The following PTPRD variants were observed in gnomAD, a reference collection of about 807,000 sequenced individuals.
PTPRD encodes receptor-type tyrosine-protein phosphatase delta.
In PTPRD, 34 loss-of-function variants were observed where a neutral mutation model predicts 214.5. The ratio of observed to expected loss-of-function variants is 0.16; its 90% CI spans 0.12 to 0.21. The LOEUF (loss-of-function observed/expected upper bound fraction) is 0.21. Among genes scored for constraint, PTPRD ranks in the 10% least tolerant of loss-of-function variants. The pLI, the probability that PTPRD is intolerant of heterozygous loss-of-function variation, is 1.00. For missense variants in PTPRD, 2,545 were observed against 2,398.7 expected (o/e 1.06, Z -1.27); for synonymous variants, 1,128 against 845.7 (o/e 1.33, Z -5.79).
intron 7 of PTPRD, among the ~76,000 whole-genome samples, chr9:9,696,556 T>A (rs1164864143): frequency 2.6e-5 from 4 of 152,288 alleles, no homozygotes; most frequent in African/African-American, 9.6e-5. Context: ...TTATGTAGTG[T>A]CCTCCTTTGC....
chr9:8,765,161 T>C (rs1169949043), intron 11 of PTPRD, among the ~76,000 whole-genome samples: 2 of 152,138 alleles, frequency 1.3e-5, no homozygotes, highest in Non-Finnish European at 2.9e-5. Flanking sequence ...TAAACATATG[T>C]GTAGTAGTTT....
At chr9:10,122,852 G>A (rs2098787336) in intron 3 of PTPRD, among the ~76,000 whole-genome samples, 2 of 152,198 alleles carry the variant, frequency 1.3e-5, no homozygotes, top group East Asian at 1.9e-4. Flanking sequence ...TGATTATACA[G>A]CAGTTGTAAA....
At chr9:8,384,587 G>C (rs1328243522) in intron 37 of PTPRD, among the ~76,000 whole-genome samples, 1 of 152,150 alleles carries the variant, frequency 6.6e-6, no homozygotes. Context: ...GAGTACAATG[G>C]TGCAATCTTG....
intron 3 of PTPRD, among the ~76,000 whole-genome samples, chr9:10,169,247 G>T (rs902224480): frequency 2.6e-4 from 39 of 152,116 alleles, no homozygotes; most frequent in African/African-American, 9.4e-4. Flanking sequence ...GGCCGAGGCA[G>T]GCGGATCACG....
intron 3 of PTPRD, among the ~76,000 whole-genome samples, chr9:10,248,861 C>T (rs1331539514): frequency 7.7e-6 from 1 of 130,060 alleles, no homozygotes; most frequent in Non-Finnish European, 1.7e-5. Flanking sequence ...TTCTTATGCA[C>T]AGAGGTGATA....
intron 6 of PTPRD, among the ~76,000 whole-genome samples, chr9:9,735,951 C>T (rs138465933): frequency 8.4e-4 from 128 of 152,208 alleles, no homozygotes; most frequent in Middle Eastern, 3.4e-3. Context: ...GTAATTATTA[C>T]ACAGATAAAC....
intron 9 of PTPRD, among the ~76,000 whole-genome samples, chr9:9,392,007 A>G (rs976871739): frequency 6.6e-6 from 1 of 152,136 alleles, no homozygotes; most frequent in African/African-American, 2.4e-5. Context: ...ACTACTCTTA[A>G]GCAACAGAGA....
At chr9:9,214,299 C>A (rs992402411) in intron 9 of PTPRD, among the ~76,000 whole-genome samples, 1 of 152,202 alleles carries the variant, frequency 6.6e-6, no homozygotes, top group African/African-American at 2.4e-5. Flanking sequence ...TGAAAAAGAG[C>A]TGAACACTTG....
intron 3 of PTPRD, among the ~76,000 whole-genome samples, chr9:10,292,813 A>T (rs899460348): frequency 3.3e-5 from 5 of 151,886 alleles, no homozygotes; most frequent in Non-Finnish European, 7.4e-5. Context: ...AACACATAAA[A>T]TACAGTTTCT....
Position 10,528,070 on chromosome 9 carries a change from C to G in PTPRD, c.-600+84328G>C, listed in dbSNP as rs1566750525. Among the ~76,000 whole-genome samples the G allele has an allele frequency of 2.6e-5, 4 of 152,108 alleles. No individual in the cohort carries two copies. In the South Asian group the frequency reaches 6.2e-4, roughly 24 times the overall value. On this transcript the variant is annotated intron_variant, in intron 2 of 45. Coordinates refer to ENST00000381196, the MANE Select transcript of PTPRD (RefSeq NM_002839.4). The stretch of plus-strand genomic sequence containing the variant: ...TCAACAAGGATTCTTCACATCATAC[C>G]CTATAACACACACACACACTGAGTT...
intron 3 of PTPRD, among the ~76,000 whole-genome samples, chr9:10,230,192 C>T (rs1044393858): frequency 1.3e-5 from 2 of 152,100 alleles, no homozygotes; most frequent in East Asian, 2.0e-4. Context: ...TGGAACAAAT[C>T]CCTCCCTTGC....
At chr9:10,450,144 C>T (rs1011542166) in intron 2 of PTPRD, among the ~76,000 whole-genome samples, 1 of 151,730 alleles carries the variant, frequency 6.6e-6, no homozygotes, top group Non-Finnish European at 1.5e-5. Flanking sequence ...ACCAGAGACC[C>T]TTGTTCACAT....
Position 10,335,357 on chromosome 9 carries a change from T to C in PTPRD, c.-545+5606A>G, listed in dbSNP as rs963324509. ...GATAAAAGATCACCTTTCCAACAAA[T>C]GGTGCCTGGTACAAATAGACATTAC... is the stretch of plus-strand genomic sequence containing the variant. On this transcript the variant is annotated intron_variant, in intron 3 of 45. Coordinates refer to ENST00000381196, the MANE Select transcript of PTPRD (RefSeq NM_002839.4). 2.9e-4 allele frequency among the ~76,000 whole-genome samples: 44 copies of C among 151,834 alleles called. No individual in the cohort carries two copies. In the Middle Eastern group the frequency reaches 0.01, roughly 35 times the overall value.
intron 12 of PTPRD, among the ~76,000 whole-genome samples, chr9:8,647,029 G>A (rs2096709088): frequency 6.6e-6 from 1 of 152,168 alleles, no homozygotes; most frequent in African/African-American, 2.4e-5. Flanking sequence ...CCTTGCCACT[G>A]CAATACATTG....
intron 26 of PTPRD, among the ~76,000 whole-genome samples, chr9:8,496,210 AAACAC>A (rs1592011599): frequency 8.2e-6 from 1 of 121,412 alleles, no homozygotes. Flanking sequence ...ACACACACAC[AAACAC>A]ACACACACAC....
intron 31 of PTPRD, among the ~76,000 whole-genome samples, chr9:8,470,572 G>A (rs7862199): frequency 0.15 from 23,419 of 152,036 alleles, 1,887 homozygotes; most frequent in East Asian, 0.25. Flanking sequence ...AGACCATATC[G>A]TAGGTCAAAT....
chr9:9,886,814 A>G (rs1026721850), intron 5 of PTPRD, among the ~76,000 whole-genome samples: 3 of 152,138 alleles, frequency 2.0e-5, no homozygotes, highest in Admixed American at 1.3e-4. Flanking sequence ...TACTGCTGCC[A>G]TGCTTTGATG....
chr9:9,818,094 T>C (rs912356), intron 5 of PTPRD, among the ~76,000 whole-genome samples: 84,926 of 152,012 alleles, frequency 0.56, 26,583 homozygotes, highest in East Asian at 0.88. Context: ...ATTTAGCTGA[T>C]AATCCATCTA....
At chr9:8,600,503 C>A (rs2094787867) in intron 14 of PTPRD, among the ~76,000 whole-genome samples, 1 of 151,760 alleles carries the variant, frequency 6.6e-6, no homozygotes, top group African/African-American at 2.4e-5. Flanking sequence ...AAAAGACACC[C>A]TTTCCTTCTG....
Sources: gnomAD v4.1 joint callset for allele counts (sites outside exome capture counted in the v4.1 genomes callset) on GRCh38, gnomAD v4.1.1 for gene constraint, MANE v1.5 for transcripts, NCBI Gene and HGNC (gene_info 2026-07-23, HGNC 2026-07-21) for gene names.